Variants in ASTN2 observed in about 807,000 individuals in gnomAD.
ASTN2 encodes astrotactin-2.
In ASTN2, 54 loss-of-function variants were observed where a neutral mutation model predicts 139.8. That is an observed-to-expected ratio of 0.39 (90% CI 0.31 to 0.48). The LOEUF (loss-of-function observed/expected upper bound fraction) is 0.48. Among genes scored for constraint, ASTN2 ranks in the 20% least tolerant of loss-of-function variants. The probability of loss-of-function intolerance (pLI) is 0.95; values close to 1 mark genes in which losing one functional copy is unlikely to be tolerated. For missense variants in ASTN2, 1,565 were observed against 1,725.1 expected, an observed-to-expected ratio of 0.91 and a Z score of 1.64; for synonymous variants, 756 against 719.5, an observed-to-expected ratio of 1.05 and a Z score of -0.81.
chr9:116,586,519 T>C (rs538393661), intron 19 of ASTN2, among the ~76,000 whole-genome samples: 3 of 152,294 alleles, frequency 2.0e-5, no homozygotes, highest in African/African-American at 7.2e-5. Context: ...GAGGCGATTA[T>C]CCTAAGCAAA....
intron 19 of ASTN2, among the ~76,000 whole-genome samples, chr9:116,558,405 T>A (rs1587999060): frequency 6.6e-6 from 1 of 151,474 alleles, no homozygotes; most frequent in Non-Finnish European, 1.5e-5. Flanking sequence ...AAGAAAAAAG[T>A]GATTTGCTTA....
intron 4 of ASTN2, among the ~76,000 whole-genome samples, chr9:117,114,685 A>T (rs1397414707): frequency 6.6e-6 from 1 of 152,102 alleles, no homozygotes; most frequent in Non-Finnish European, 1.5e-5. Flanking sequence ...GATCTTCAAT[A>T]CTTGAATCTG....
At chr9:117,371,538 G>A (rs1438860626) in intron 1 of ASTN2, among the ~76,000 whole-genome samples, 3 of 152,106 alleles carry the variant, frequency 2.0e-5, no homozygotes, top group Non-Finnish European at 4.4e-5. Context: ...GCTGGATAAC[G>A]TGGATTTGAA....
At chr9:116,834,466 C>T (rs1831923369) in intron 11 of ASTN2, among the ~76,000 whole-genome samples, 1 of 152,094 alleles carries the variant, frequency 6.6e-6, no homozygotes, top group African/African-American at 2.4e-5. Flanking sequence ...ACACATTTTG[C>T]AGTTCTGTTG....
At chr9:116,896,652 T>C (rs1052081588) in intron 10 of ASTN2, among the ~76,000 whole-genome samples, 2 of 152,190 alleles carry the variant, frequency 1.3e-5, no homozygotes, top group Non-Finnish European at 2.9e-5. Flanking sequence ...AGAGGTTTAA[T>C]TGACTCACAG....
chr9:117,122,724 G>A (rs1375190730), intron 4 of ASTN2, among the ~76,000 whole-genome samples: 1 of 152,108 alleles, frequency 6.6e-6, no homozygotes, highest in East Asian at 1.9e-4. Context: ...TCAACAGGGT[G>A]GCTACGGCTG....
chr9:116,934,215 T>C (rs2132456787), intron 10 of ASTN2, among the ~76,000 whole-genome samples: 1 of 152,202 alleles, frequency 6.6e-6, no homozygotes, highest in Admixed American at 6.5e-5. Context: ...CCTCGATGCC[T>C]TGGATCAAAG....
chr9:117,305,359 TC>T (rs1834973383), intron 1 of ASTN2, among the ~76,000 whole-genome samples: 1 of 152,172 alleles, frequency 6.6e-6, no homozygotes, highest in Non-Finnish European at 1.5e-5. Context: ...TTAATGCCAA[TC>T]AACCTGGTGG....
intron 3 of ASTN2, among the ~76,000 whole-genome samples, chr9:117,182,109 C>A (rs1285033558): frequency 2.0e-5 from 3 of 152,172 alleles, no homozygotes; most frequent in East Asian, 3.9e-4. Context: ...CAGCCATGGG[C>A]AGGGCTCTGA....
At chr9:116,878,287 A>G (rs1163464184) in intron 10 of ASTN2, among the ~76,000 whole-genome samples, 1 of 152,236 alleles carries the variant, frequency 6.6e-6, no homozygotes, top group Non-Finnish European at 1.5e-5. Context: ...CACAATAGCA[A>G]AAACATGAAA....
intron 11 of ASTN2, among the ~76,000 whole-genome samples, chr9:116,844,092 C>T (rs1193186589): frequency 6.6e-6 from 1 of 152,090 alleles, no homozygotes; most frequent in African/African-American, 2.4e-5. Context: ...TCAGGCAAGT[C>T]ACTGCACTTT....
intron 1 of ASTN2, among the ~76,000 whole-genome samples, chr9:117,317,049 G>A (rs1828165758): frequency 6.6e-6 from 1 of 151,900 alleles, no homozygotes. Context: ...TTCTTCTGCT[G>A]TTCCTTCTGT....
At chr9:116,783,286 CT>C (rs1344313879) in intron 13 of ASTN2, among the ~76,000 whole-genome samples, 27 of 88,682 alleles carry the variant, frequency 3.0e-4, no homozygotes, top group African/African-American at 1.1e-3. Flanking sequence ...TCCTTCCTTC[CT>C]TCCTTCCTTC....
chr9:116,875,441 A>C (rs747113761), intron 10 of ASTN2, among the ~76,000 whole-genome samples: 45 of 152,228 alleles, frequency 3.0e-4, no homozygotes, highest in Non-Finnish European at 5.4e-4. Context: ...TTGATTCATA[A>C]GTTTTAAGAA....
intron 17 of ASTN2, among the ~76,000 whole-genome samples, chr9:116,640,370 T>C (rs1857269409): frequency 6.6e-6 from 1 of 151,932 alleles, no homozygotes; most frequent in Admixed American, 6.6e-5. Flanking sequence ...AAAAGTATAA[T>C]TAGAAAGTGT....
intron 19 of ASTN2, among the ~76,000 whole-genome samples, chr9:116,488,785 C>T (rs1564313170): frequency 6.6e-6 from 1 of 152,056 alleles, no homozygotes. Flanking sequence ...ATAATGGGCA[C>T]TTTTTCTATC....
chr9:116,650,532 T>C (rs10119891), intron 17 of ASTN2, among the ~76,000 whole-genome samples: 3,610 of 152,262 alleles, frequency 0.024, 144 homozygotes, highest in African/African-American at 0.082. Context: ...GAAATTGCCA[T>C]TTTATAAGTA....
At chr9:116,706,713 G>A (rs1827995696) in intron 16 of ASTN2, among the ~76,000 whole-genome samples, 1 of 151,468 alleles carries the variant, frequency 6.6e-6, no homozygotes, top group Non-Finnish European at 1.5e-5. Context: ...TACCACTGCA[G>A]GGCTCTCCTC....
intron 19 of ASTN2, among the ~76,000 whole-genome samples, chr9:116,532,598 G>A (rs1177321824): frequency 3.3e-5 from 5 of 152,124 alleles, no homozygotes; most frequent in African/African-American, 1.2e-4. Context: ...AGTTTTCCCA[G>A]CACCATTTGT....
Sources: allele counts gnomAD v4.1 joint callset (sites outside exome capture counted in the v4.1 genomes callset), GRCh38; gene constraint gnomAD v4.1.1; transcripts MANE v1.5; gene names NCBI Gene and HGNC (gene_info 2026-07-23, HGNC 2026-07-21).